Variants in MYO6 observed in about 807,000 individuals in gnomAD.
MYO6 encodes unconventional myosin-VI.
A neutral mutation model predicts 178.7 loss-of-function variants in MYO6; 74 were observed. That is an observed-to-expected ratio of 0.41 (90% CI 0.34 to 0.50). The LOEUF (loss-of-function observed/expected upper bound fraction) is 0.50, where lower values mean the gene tolerates loss of function less well. MYO6 is among the 20% of genes least tolerant of loss of function. The pLI, the probability that MYO6 is intolerant of heterozygous loss-of-function variation, is 0.09. For missense variants in MYO6, 1,330 were observed against 1,547.4 expected (o/e 0.86, Z 2.36); for synonymous variants, 477 against 504.6 (o/e 0.95, Z 0.73).
chr6:75,768,645 G>C (rs1778655001), intron 1 of MYO6, among the ~76,000 whole-genome samples: 1 of 152,074 alleles, frequency 6.6e-6, no homozygotes. Context: ...GACTCCCAAA[G>C]TGCTGGGATT....
At chr6:75,806,004 A>G (rs1770038945) in intron 1 of MYO6, among the ~76,000 whole-genome samples, 1 of 152,176 alleles carries the variant, frequency 6.6e-6, no homozygotes, top group Non-Finnish European at 1.5e-5. Context: ...TTTTCTGGGA[A>G]CAGATATTAA....
intron 7 of MYO6, among the ~76,000 whole-genome samples, chr6:75,838,398 G>A (rs536381413): frequency 1.3e-5 from 2 of 152,206 alleles, no homozygotes; most frequent in South Asian, 4.1e-4. Flanking sequence ...AACTAGAAGG[G>A]TATAGCGTCT....
intron 9 of MYO6, among the ~76,000 whole-genome samples, chr6:75,841,697 G>A (rs1429928386): frequency 6.6e-6 from 1 of 151,408 alleles, no homozygotes; most frequent in Non-Finnish European, 1.5e-5. Flanking sequence ...CTATCTCAAA[G>A]AAAAAAAAAT....
intron 1 of MYO6, among the ~76,000 whole-genome samples, chr6:75,766,781 A>G (rs1272052015): frequency 1.3e-5 from 2 of 152,198 alleles, no homozygotes; most frequent in Non-Finnish European, 2.9e-5. Context: ...TGTTAAAGCA[A>G]TGCAAAAATA....
chr6:75,835,970 T>C lies in MYO6; in HGVS notation c.553+14T>C. 1 of 1,580,462 alleles carries C rather than the reference T, an allele frequency of 6.3e-7. No homozygotes were observed. Among genetic ancestry groups the C allele is most frequent in the Non-Finnish European group, 8.7e-7 (1 of 1,149,252 alleles). ...GAATTGTTGAAGGTATTGCTAATTT[T>C]TCAGTTGTTACGCGTGTACTGAAAT... On this transcript the variant is annotated intron_variant, in intron 7 of 34. Coordinates refer to ENST00000369977, the MANE Select transcript of MYO6 (RefSeq NM_004999.4).
intron 1 of MYO6, among the ~76,000 whole-genome samples, chr6:75,803,037 G>A (rs976162485): frequency 3.3e-4 from 50 of 152,068 alleles, no homozygotes; most frequent in African/African-American, 1.1e-3. Flanking sequence ...TTGTAATAAC[G>A]ATTGCATATA....
At chr6:75,831,772 C>T (rs1773116314) in intron 5 of MYO6, among the ~76,000 whole-genome samples, 1 of 151,736 alleles carries the variant, frequency 6.6e-6, no homozygotes, top group Non-Finnish European at 1.5e-5. Flanking sequence ...TGCCTATAGT[C>T]CCAGCTACTC....
At chr6:75,856,797 A>G (rs1427671004) in intron 12 of MYO6, among the ~76,000 whole-genome samples, 5 of 152,160 alleles carry the variant, frequency 3.3e-5, no homozygotes, top group Non-Finnish European at 2.9e-5. Flanking sequence ...GGAAAACCAA[A>G]AGGGAGGTTA....
chr6:75,847,748 T>G (rs1284153008), intron 10 of MYO6, among the ~76,000 whole-genome samples: 1 of 152,062 alleles, frequency 6.6e-6, no homozygotes, highest in Non-Finnish European at 1.5e-5. Context: ...GCCTGACCCC[T>G]ATTTACTACA....
rs376748948 is a variant in MYO6 at position 75,877,798 on chromosome 6, T to C, written c.2078-2022T>C. Among the ~76,000 whole-genome samples, 37 of 152,080 alleles carry C rather than the reference T, an allele frequency of 2.4e-4. No homozygotes were observed. The East Asian group carries it at 4.8e-3, about 20-fold the overall frequency. The stretch of plus-strand genomic sequence containing the variant: ...AGTGGTTAAAAAAAAAATTTAAGCT[T>C]CAAAACATCTTAAGAGTAAACTAGC... On this transcript the variant is annotated intron_variant, in intron 20 of 34. Transcript: ENST00000369977.
intron 30 of MYO6, among the ~76,000 whole-genome samples, chr6:75,902,285 G>A (rs1336299501): frequency 1.3e-5 from 2 of 152,174 alleles, no homozygotes; most frequent in East Asian, 1.9e-4. Flanking sequence ...GATTGGAATA[G>A]TTTCAGAAGG....
In MYO6 at chr6:75,813,128, G is replaced by A. The variant is rs535242717; in HGVS notation, c.-47-4373G>A. The stretch of plus-strand genomic sequence containing the variant: ...TTGTACCTTCAGATGATTTCTTCTT[G>A]TTCATTAAGCCCTTTTCTTTTGGAT... On this transcript the variant is annotated intron_variant, in intron 1 of 34. Coordinates refer to ENST00000369977, the MANE Select transcript of MYO6 (RefSeq NM_004999.4). Among the ~76,000 whole-genome samples the A allele has an allele frequency of 2.6e-5, 4 of 152,206 alleles. No individual in the cohort carries two copies. The East Asian group carries it at 7.7e-4, about 29-fold the overall frequency.
intron 30 of MYO6, among the ~76,000 whole-genome samples, chr6:75,906,782 G>A (rs973639291): frequency 6.6e-6 from 1 of 152,152 alleles, no homozygotes; most frequent in Non-Finnish European, 1.5e-5. Context: ...TCATTTTATT[G>A]ACTGCTTTGG....
At chr6:75,800,706 T>C (rs544023712) in intron 1 of MYO6, among the ~76,000 whole-genome samples, 76 of 152,178 alleles carry the variant, frequency 5.0e-4, no homozygotes, top group African/African-American at 1.7e-3. Flanking sequence ...AGGTATAAGT[T>C]GGAGATAGAA....
intron 20 of MYO6, among the ~76,000 whole-genome samples, chr6:75,874,175 C>T (rs763345980): frequency 2.0e-5 from 3 of 152,176 alleles, no homozygotes; most frequent in African/African-American, 7.2e-5. Flanking sequence ...TTTTCTGCTT[C>T]GCTAAAGGCC....
chr6:75,760,848 A>C (rs188170860), intron 1 of MYO6, among the ~76,000 whole-genome samples: 2 of 152,240 alleles, frequency 1.3e-5, no homozygotes, highest in Admixed American at 6.5e-5. Flanking sequence ...AGTATCCCGC[A>C]GGAGATATTT....
At chr6:75,787,826 C>T (rs1453314005) in intron 1 of MYO6, among the ~76,000 whole-genome samples, 1 of 143,142 alleles carries the variant, frequency 7.0e-6, no homozygotes, top group Non-Finnish European at 1.5e-5. Context: ...GTGGCACAAT[C>T]ATGGCTCACT....
intron 34 of MYO6, 31 bp from the exon 35 acceptor site, chr6:75,914,782 A>G (rs376467470): frequency 3.6e-5 from 57 of 1,601,610 alleles, no homozygotes; most frequent in Non-Finnish European, 4.5e-5. Flanking sequence ...GAAGAGAGAG[A>G]TGGTAATTTT....
At chr6:75,819,226 CAA>C (rs1771608230) in intron 2 of MYO6, among the ~76,000 whole-genome samples, 1 of 152,088 alleles carries the variant, frequency 6.6e-6, no homozygotes, top group African/African-American at 2.4e-5. Context: ...GTTTTTTCCA[CAA>C]AGTTTTTTTT....
Sources: allele counts gnomAD v4.1 joint callset (sites outside exome capture counted in the v4.1 genomes callset), GRCh38; gene constraint gnomAD v4.1.1; transcripts MANE v1.5; gene names NCBI Gene and HGNC (gene_info 2026-07-23, HGNC 2026-07-21).